CNIH3: variants seen among roughly 807,000 people sequenced by gnomAD.
CNIH3 encodes cornichon family AMPA receptor auxiliary protein 3.
Under a neutral mutation model 24.1 loss-of-function variants are expected in CNIH3, and 14 were observed. The observed-to-expected ratio is 0.58, with a 90% confidence interval of 0.38 to 0.91. CNIH3 has a LOEUF of 0.91. Ranked by LOEUF, CNIH3 falls within the 40% of genes least tolerant of loss-of-function variation. The probability of loss-of-function intolerance (pLI) is 0.00; values close to 1 mark genes in which losing one functional copy is unlikely to be tolerated. For missense variants in CNIH3, 178 were observed against 196.8 expected (o/e 0.90, Z 0.57); for synonymous variants, 68 against 73.8 (o/e 0.92, Z 0.40).
At chr1:224,559,502 C>G (rs995729767) in intron 3 of CNIH3, among the ~76,000 whole-genome samples, 1 of 152,060 alleles carries the variant, frequency 6.6e-6, no homozygotes, top group Non-Finnish European at 1.5e-5. Context: ...GTAGTTAGAA[C>G]TACAGGCACA....
intron 3 of CNIH3, among the ~76,000 whole-genome samples, chr1:224,548,828 CAG>C (rs1031702811): frequency 4.6e-5 from 7 of 151,572 alleles, no homozygotes; most frequent in Middle Eastern, 3.4e-3. Flanking sequence ...CATAATATAA[CAG>C]GGGGTGTACA....
chr1:224,450,004 G>GCA lies in CNIH3; in HGVS notation n.203+15160_203+15161dup, dbSNP rs147188963. ...ATATACACATACACACATTATACAC[G>GCA]CACACACACACACACACACGCACAC... On this transcript the variant is annotated intron_variant and non_coding_transcript_variant, in intron 1 of 5. Transcript: ENST00000471578. Among the ~76,000 whole-genome samples the GCA allele has an allele frequency of 4.0e-3, 595 of 147,414 alleles. 1 individual carries two copies. The highest frequency in any genetic ancestry group is 0.01 in the African/African-American group (420 of 40,342).
At chr1:224,737,123 A>G (rs1250883067) in intron 5 of CNIH3, among the ~76,000 whole-genome samples, 1 of 144,202 alleles carries the variant, frequency 6.9e-6, no homozygotes, top group Non-Finnish European at 1.5e-5. Context: ...CCCTCATTTC[A>G]GTTTTGTTGC....
intron 3 of CNIH3, among the ~76,000 whole-genome samples, chr1:224,595,012 CCAACATCA>C (rs1472937456): frequency 1.3e-5 from 2 of 152,156 alleles, no homozygotes; most frequent in African/African-American, 4.8e-5. Context: ...CACCATTTCT[CCAACATCA>C]TGTGCTTGCC....
intron 1 of CNIH3, among the ~76,000 whole-genome samples, chr1:224,466,070 C>T (rs1381305435): frequency 6.6e-6 from 1 of 152,082 alleles, no homozygotes; most frequent in Non-Finnish European, 1.5e-5. Context: ...CAGAAATTGG[C>T]ATTAGTACAA....
chr1:224,611,024 C>G (rs6669231), intron 3 of CNIH3, among the ~76,000 whole-genome samples: 26 of 152,120 alleles, frequency 1.7e-4, no homozygotes, highest in Non-Finnish European at 2.9e-4. Context: ...CTCAAACCCC[C>G]CTTCCTTTGC....
chr1:224,590,793 C>G (rs929441491), downstream of CNIH3, among the ~76,000 whole-genome samples: 13 of 152,010 alleles, frequency 8.6e-5, no homozygotes. Context: ...GCTTTTGGCC[C>G]TTCTTCCCCA....
intron 4 of CNIH3, among the ~76,000 whole-genome samples, chr1:224,573,593 G>A (rs1045788168): frequency 3.3e-5 from 5 of 152,198 alleles, no homozygotes; most frequent in Admixed American, 2.0e-4. Context: ...AGTGGAACTA[G>A]GTAATAGTAG....
intron 4 of CNIH3, among the ~76,000 whole-genome samples, chr1:224,733,716 G>A (rs1224364340): frequency 6.6e-6 from 1 of 152,220 alleles, no homozygotes; most frequent in Non-Finnish European, 1.5e-5. Context: ...TGGCCTCTGG[G>A]TGGCTTTACC....
chr1:224,736,744 C>T (rs1042862727), intron 5 of CNIH3, among the ~76,000 whole-genome samples: 8 of 152,166 alleles, frequency 5.3e-5, no homozygotes, highest in African/African-American at 1.2e-4. Context: ...TTGAAGCCTC[C>T]GGAGATTTCT....
chr1:224,434,726 G>A, exon 1 of CNIH3: 3 of 983,218 alleles, frequency 3.1e-6, no homozygotes, highest in Non-Finnish European at 3.6e-6. Context: ...GGAGGCAGCT[G>A]CCGCCTCTGT....
intron 1 of CNIH3, among the ~76,000 whole-genome samples, chr1:224,447,228 A>T (rs1675203276): frequency 6.6e-6 from 1 of 152,046 alleles, no homozygotes; most frequent in African/African-American, 2.4e-5. Flanking sequence ...AAGCCCTAGA[A>T]CTAGGGAAGC....
At chr1:224,675,425 G>A (rs12139845) in intron 1 of CNIH3, among the ~76,000 whole-genome samples, 6,303 of 152,234 alleles carry the variant, frequency 0.041, 208 homozygotes, top group East Asian at 0.15. Context: ...GAGTTCATAG[G>A]TTGAATACCC....
At chr1:224,712,811 G>T (rs1023457995) in intron 3 of CNIH3, among the ~76,000 whole-genome samples, 4 of 152,130 alleles carry the variant, frequency 2.6e-5, no homozygotes, top group Non-Finnish European at 5.9e-5. Flanking sequence ...GCCTTATTAT[G>T]TGGTTGTTTC....
At chr1:224,640,514 C>T (rs1006430018) in intron 1 of CNIH3, among the ~76,000 whole-genome samples, 8 of 152,240 alleles carry the variant, frequency 5.3e-5, no homozygotes, top group African/African-American at 1.9e-4. Flanking sequence ...TGATTCAGAG[C>T]TTAGCAGACT....
intron 4 of CNIH3, among the ~76,000 whole-genome samples, chr1:224,578,176 A>T (rs12136356): frequency 0.14 from 20,619 of 152,162 alleles, 1,529 homozygotes; most frequent in East Asian, 0.26. Context: ...AATAAAAATT[A>T]AAAAAATAAA....
At chr1:224,563,338 C>A (rs77882985) in intron 3 of CNIH3, among the ~76,000 whole-genome samples, 1,589 of 152,076 alleles carry the variant, frequency 0.01, 11 homozygotes, top group Non-Finnish European at 0.016. Context: ...ATGGATAAAT[C>A]GTATCACTGT....
intron 3 of CNIH3, among the ~76,000 whole-genome samples, chr1:224,710,117 C>CA (rs1688056783): frequency 6.6e-6 from 1 of 152,164 alleles, no homozygotes; most frequent in Non-Finnish European, 1.5e-5. Context: ...TGTGGTTGAT[C>CA]ACAGGTAATT....
intron 1 of CNIH3, among the ~76,000 whole-genome samples, chr1:224,462,822 T>TG (rs2102985365): frequency 6.6e-6 from 1 of 151,672 alleles, no homozygotes; most frequent in African/African-American, 2.4e-5. Flanking sequence ...TGTATTTTTA[T>TG]TGTAGACATG....
Sources: allele counts gnomAD v4.1 joint callset (sites outside exome capture counted in the v4.1 genomes callset), GRCh38; gene constraint gnomAD v4.1.1; transcripts MANE v1.5; gene names NCBI Gene and HGNC (gene_info 2026-07-23, HGNC 2026-07-21).